Variants in LY86 observed in about 807,000 individuals in gnomAD.
LY86 encodes lymphocyte antigen 86.
LY86 carries 20 observed loss-of-function variants against 17.3 expected under a neutral mutation model. The observed-to-expected ratio is 1.15, with a 90% confidence interval of 0.81 to 1.68. LY86 has a LOEUF of 1.68. Ranked by LOEUF, LY86 falls within the 40% of genes most tolerant of loss-of-function variation. LY86 has a pLI of 0.00. For synonymous variants in LY86, 74 were observed against 70.6 expected, an observed-to-expected ratio of 1.05 and a Z score of -0.24; for missense variants, 200 against 191.9, an observed-to-expected ratio of 1.04 and a Z score of -0.25.
intron 1 of LY86, among the ~76,000 whole-genome samples, chr6:6,609,246 T>C (rs767306326): frequency 6.6e-6 from 1 of 152,234 alleles, no homozygotes; most frequent in East Asian, 1.9e-4. Context: ...GAGAGCTCTA[T>C]TGCAGAGTTG....
intron 1 of LY86, among the ~76,000 whole-genome samples, chr6:6,602,657 G>A (rs1426172238): frequency 2.0e-5 from 3 of 152,142 alleles, no homozygotes; most frequent in African/African-American, 7.2e-5. Context: ...TGGGTAACTG[G>A]GGTTCAGTCC....
At chr6:6,596,292 C>T (rs1561774795) in intron 1 of LY86, among the ~76,000 whole-genome samples, 1 of 152,144 alleles carries the variant, frequency 6.6e-6, no homozygotes, top group African/African-American at 2.4e-5. Flanking sequence ...TCATAGAAAA[C>T]ATTCTAAAAG....
chr6:6,630,346 G>GGTATCA (rs1465032983), intron 3 of LY86, among the ~76,000 whole-genome samples: 1 of 152,212 alleles, frequency 6.6e-6, no homozygotes, highest in Non-Finnish European at 1.5e-5. Context: ...CCTCTTGCCT[G>GGTATCA]GGATACCCAC....
chr6:6,600,733 A>T (rs73365342), intron 1 of LY86, among the ~76,000 whole-genome samples: 13,143 of 151,988 alleles, frequency 0.086, 1,573 homozygotes, highest in African/African-American at 0.27. Flanking sequence ...CATACAACCA[A>T]CTTCATCCAT....
chr6:6,599,726 A>AG (rs1760838813), intron 1 of LY86, among the ~76,000 whole-genome samples: 1 of 152,226 alleles, frequency 6.6e-6, no homozygotes, highest in African/African-American at 2.4e-5. Context: ...CAGGCAAGAT[A>AG]AAGAGCCTCA....
In LY86 at chr6:6,606,176, A is replaced by C. The variant is rs1408955656; in HGVS notation, c.136+17306A>C. On this transcript the variant is annotated intron_variant, in intron 1 of 4. Transcript: ENST00000230568. ...CAGGGCACTGATTGGTGCGTTTACA[A>C]TCCCTGAGCTAGACACAAAGGCTCT... Among the ~76,000 whole-genome samples, 3 of 152,050 alleles carry C rather than the reference A, an allele frequency of 2.0e-5. No individual in the cohort carries two copies. In the East Asian group the frequency reaches 5.8e-4, roughly 29 times the overall value.
intron 1 of LY86, among the ~76,000 whole-genome samples, chr6:6,612,343 A>G (rs577237648): frequency 3.9e-5 from 6 of 152,334 alleles, no homozygotes; most frequent in South Asian, 2.1e-4. Flanking sequence ...CGCAGTAAGC[A>G]TTACACTTCT....
At chr6:6,619,632 G>T (rs1761629424) in intron 1 of LY86, among the ~76,000 whole-genome samples, 1 of 152,206 alleles carries the variant, frequency 6.6e-6, no homozygotes, top group African/African-American at 2.4e-5. Context: ...AAGCATGCTT[G>T]TAATACCTAA....
At chr6:6,592,570 C>T (rs1760562550) in intron 1 of LY86, among the ~76,000 whole-genome samples, 1 of 152,098 alleles carries the variant, frequency 6.6e-6, no homozygotes, top group African/African-American at 2.4e-5. Flanking sequence ...TGTTTGTGTC[C>T]CCTGAAGATT....
chr6:6,608,554 CCA>C (rs1761254374), intron 1 of LY86, among the ~76,000 whole-genome samples: 1 of 152,024 alleles, frequency 6.6e-6, no homozygotes, highest in African/African-American at 2.4e-5. Flanking sequence ...TTTTCTTTCT[CCA>C]GTTTTCAGCA....
At chr6:6,635,805 A>G (rs933162932) in intron 3 of LY86, among the ~76,000 whole-genome samples, 1 of 152,226 alleles carries the variant, frequency 6.6e-6, no homozygotes, top group African/African-American at 2.4e-5. Flanking sequence ...CTATAGAGCC[A>G]TGGAGGGAGT....
At chr6:6,612,401 T>G (rs2113118896) in intron 1 of LY86, among the ~76,000 whole-genome samples, 1 of 152,316 alleles carries the variant, frequency 6.6e-6, no homozygotes, top group Admixed American at 6.5e-5. Flanking sequence ...CCCCAGTGGG[T>G]ACCTAGTCTC....
chr6:6,609,059 G>A (rs1761267966), intron 1 of LY86, among the ~76,000 whole-genome samples: 1 of 152,192 alleles, frequency 6.6e-6, no homozygotes, highest in East Asian at 1.9e-4. Context: ...TTTGCTGGCA[G>A]AGAGACCAAG....
chr6:6,604,674 A>G (rs891790451), intron 1 of LY86, among the ~76,000 whole-genome samples: 4 of 152,222 alleles, frequency 2.6e-5, no homozygotes, highest in Admixed American at 6.5e-5. Context: ...AATAAATGCA[A>G]TAACTCTTCA....
At chr6:6,590,902 T>C (rs75656057) in intron 1 of LY86, among the ~76,000 whole-genome samples, 8 of 126,620 alleles carry the variant, frequency 6.3e-5, no homozygotes, top group East Asian at 2.3e-4. Context: ...TGACCTCACT[T>C]TTAAAAATAA....
chr6:6,596,519 T>A (rs1442788624), intron 1 of LY86, among the ~76,000 whole-genome samples: 1 of 152,206 alleles, frequency 6.6e-6, no homozygotes, highest in African/African-American at 2.4e-5. Context: ...GATATAAAAG[T>A]ATAATTTAGG....
chr6:6,643,424 A>G (rs12210481), intron 3 of LY86, among the ~76,000 whole-genome samples: 34,389 of 152,256 alleles, frequency 0.23, 4,069 homozygotes, highest in Middle Eastern at 0.35. Context: ...CAAACATTGC[A>G]TGATCTCACT....
At chr6:6,614,848 C>G (rs1761513703) in intron 1 of LY86, among the ~76,000 whole-genome samples, 2 of 152,026 alleles carry the variant, frequency 1.3e-5, no homozygotes, top group South Asian at 4.2e-4. Context: ...TGCCAAGGTT[C>G]CAACTCCTCA....
chr6:6,591,289 T>A (rs1419693303), intron 1 of LY86: 1 of 153,750 alleles, frequency 6.5e-6, no homozygotes, highest in East Asian at 1.9e-4. Flanking sequence ...AGTTTCCCCA[T>A]GGAGTCAGTG....
Sources: gnomAD v4.1 joint callset for allele counts (sites outside exome capture counted in the v4.1 genomes callset) on GRCh38, gnomAD v4.1.1 for gene constraint, MANE v1.5 for transcripts, NCBI Gene and HGNC (gene_info 2026-07-23, HGNC 2026-07-21) for gene names.